The following YIPF5 variants were observed in gnomAD, a reference collection of about 807,000 sequenced individuals.
YIPF5 encodes protein YIPF5.
In YIPF5, 8 loss-of-function variants were observed where a neutral mutation model predicts 30.4. The ratio of observed to expected loss-of-function variants is 0.26; its 90% CI spans 0.15 to 0.47. The LOEUF (loss-of-function observed/expected upper bound fraction) is 0.47, where lower values mean the gene tolerates loss of function less well. Ranked by LOEUF, YIPF5 falls within the 20% of genes least tolerant of loss-of-function variation. The pLI is 0.99. For synonymous variants in YIPF5, 104 were observed against 107.9 expected (o/e 0.96, Z 0.23); for missense variants, 282 against 301.8 (o/e 0.93, Z 0.49).
chr5:144,163,893 A>T, intron 4 of YIPF5: 1 of 420,858 alleles, frequency 2.4e-6, no homozygotes, highest in Non-Finnish European at 3.9e-6. Context: ...CTAATAATTT[A>T]ATCATTTCTT....
Position 144,162,229 on chromosome 5 carries a change from T to C in YIPF5, c.600A>G (p.Ile200Met). The change falls in exon 5 of 6, where the codon ATA becomes ATG. Residue 200 changes from isoleucine to methionine, a missense_variant. Ile to Met is a conservative substitution (Grantham distance 10). Coordinates refer to ENST00000274496, the MANE Select transcript of YIPF5 (RefSeq NM_030799.9). ...PMILLSSFAVIFSLQGMVGII... is the reference protein window; with the variant it reads ...PMILLSSFAVMFSLQGMVGII... ...AGAACAGTACTTACTGCAAAGAAAA[T>C]ATCACTGCAAAGCTGGAAAGTAGGA... 1 of 1,613,676 alleles carries C rather than the reference T, an allele frequency of 6.2e-7. No individual in the cohort carries two copies. The highest frequency in any genetic ancestry group is 1.6e-4 in the Middle Eastern group (1 of 6,062).
rs375490717 is a variant in YIPF5, at chr5:144,160,439, G to A, written c.732C>T (p.Cys244=). Residue 244 remains cysteine, a synonymous_variant, in exon 6 of 6, where the codon TGC becomes TGT. Transcript: ENST00000274496. ...GGGCAAAGACTCCATATAACAAAGCGCAAGGATATGCTACTAAAAGTTGCT... is the reference window on the plus strand; with the variant it reads ...GGGCAAAGACTCCATATAACAAAGCACAAGGATATGCTACTAAAAGTTGCT... The part of the protein sequence containing the change: ...EGQQLLVAYP[C]ALLYGVFALI... 1.7e-5 allele frequency: 27 copies of A among 1,614,016 alleles called. No homozygotes were observed. Among genetic ancestry groups the A allele is most frequent in the East Asian group, 8.9e-5 (4 of 44,854 alleles).
rs74565597 is a variant in YIPF5, at chr5:144,158,397, A to C, written c.*2000T>G. On this transcript the variant is annotated 3_prime_UTR_variant, in exon 6 of 6. Transcript: ENST00000274496. ...AACCACCACAAAAAAAATCTCTACA[A>C]TAATTTAAACTAAAAATGTTGTTGA... 1.1e-5 allele frequency: 13 copies of C among 1,234,824 alleles called. No homozygotes were observed. In the East Asian group the frequency reaches 7.6e-4, roughly 72 times the overall value. 76.5% of individuals were successfully genotyped at this position (1,234,824 alleles called of 1,614,324 possible).
intron 3 of YIPF5, among the ~76,000 whole-genome samples, chr5:144,164,841 T>G (rs575704827): frequency 2.6e-5 from 4 of 152,302 alleles, no homozygotes; most frequent in Admixed American, 1.3e-4. Flanking sequence ...TAGGTATGAC[T>G]GCATAGCAAA....
rs1751935347 is a variant in YIPF5, at chr5:144,158,573, A to G, written c.*1824T>C. The G allele has an allele frequency of 1.8e-6, 2 of 1,141,280 alleles. No individual in the cohort carries two copies. The highest frequency in any genetic ancestry group is 2.2e-6 in the Non-Finnish European group (2 of 922,662). 70.7% of individuals were successfully genotyped at this position (1,141,280 alleles called of 1,614,324 possible). ...TTAGCAATATTTGGATATTAAGGGAAGACATTTGCCTTAACAAAAACTATA... is the reference window on the plus strand; with the variant it reads ...TTAGCAATATTTGGATATTAAGGGAGGACATTTGCCTTAACAAAAACTATA... On this transcript the variant is annotated 3_prime_UTR_variant, in exon 6 of 6. Transcript: ENST00000274496.
Position 144,162,285 on chromosome 5 carries a change from T to C in YIPF5, c.544A>G (p.Ser182Gly). The change falls in exon 5 of 6, where the codon AGT becomes GGT. Residue 182 changes from serine (S) to glycine (G), a missense_variant. By Grantham distance (56) the Ser-to-Gly change is moderately conservative. Coordinates refer to ENST00000274496, the MANE Select transcript of YIPF5 (RefSeq NM_030799.9). ...GGCAGAAGACAATATCCAAGGACAC[T>C]TGCCACACAACCAAATGAAACACCT... The part of the protein sequence containing the change: ...MTGVSFGCVA[S>G]VLGYCLLPMI... 2 of 1,614,088 alleles carry C rather than the reference T, an allele frequency of 1.2e-6. No homozygotes were observed. Among genetic ancestry groups the C allele is most frequent in the South Asian group, 1.1e-5 (1 of 91,084 alleles).
At chr5:144,165,952 G>A (rs1308344563) in intron 2 of YIPF5, among the ~76,000 whole-genome samples, 1 of 152,092 alleles carries the variant, frequency 6.6e-6, no homozygotes, top group Non-Finnish European at 1.5e-5. Context: ...ACAATATGAA[G>A]ATACACTATG....
intron 4 of YIPF5, 181 bp downstream of exon 4, chr5:144,163,930 G>T: frequency 1.9e-6 from 1 of 536,564 alleles, no homozygotes. Flanking sequence ...TTTAAAACAT[G>T]CTACACTTAC....
Position 144,159,764 on chromosome 5 carries a change from A to G in YIPF5, c.*633T>C. 1 of 834,960 alleles carries G rather than the reference A, an allele frequency of 1.2e-6. No individual in the cohort carries two copies. Among genetic ancestry groups the G allele is most frequent in the Non-Finnish European group, 1.4e-6 (1 of 699,980 alleles). The allele number at this position is 834,960 out of a possible 1,614,324, so 51.7% of individuals were successfully genotyped here. On this transcript the variant is annotated 3_prime_UTR_variant, in exon 6 of 6. Transcript: ENST00000274496. ...CTGTCACCCAGGCTGGATGGAGTGC[A>G]GTGGTGTGATCTCGGCTCACTGCAA...
chr5:144,161,634 C>G (rs372494665), intron 5 of YIPF5, among the ~76,000 whole-genome samples: 1 of 152,250 alleles, frequency 6.6e-6, no homozygotes, highest in East Asian at 1.9e-4. Flanking sequence ...GCGTGAGCAA[C>G]CGTGCCTGGC....
At chr5:144,169,751 C>T in intron 2 of YIPF5, 95 bp downstream of exon 2, 2 of 976,832 alleles carry the variant, frequency 2.0e-6, no homozygotes, top group Non-Finnish European at 3.2e-6. Flanking sequence ...TGATAAAGGA[C>T]ATGTTCACAT....
Position 144,165,550 on chromosome 5 carries a change from C to A in YIPF5, c.165G>T (p.Met55Ile). 2 of 1,614,110 alleles carry A rather than the reference C, an allele frequency of 1.2e-6. No individual in the cohort carries two copies. Among genetic ancestry groups the A allele is most frequent in the East Asian group, 2.2e-5 (1 of 44,856 alleles). ...SQQGRFVPPD[M>I]MQPQQPYTGQ... is the part of the protein sequence containing the mutation. ...CGGTGTATGGCTGTTGTGGCTGCATCATGTCTGGAGGGACAAATCTGCCTT... is the reference window on the plus strand; with the variant it reads ...CGGTGTATGGCTGTTGTGGCTGCATAATGTCTGGAGGGACAAATCTGCCTT... Residue 55 changes from methionine (M) to isoleucine (I), a missense_variant, in exon 3 of 6, where the codon ATG (methionine) becomes ATT (isoleucine). Coordinates refer to ENST00000274496, the MANE Select transcript of YIPF5 (RefSeq NM_030799.9).
chr5:144,166,606 T>C (rs1169240180), intron 2 of YIPF5, among the ~76,000 whole-genome samples: 1 of 152,202 alleles, frequency 6.6e-6, no homozygotes, highest in Non-Finnish European at 1.5e-5. Context: ...TGAGAAAATA[T>C]CTGCCAAATG....
intron 3 of YIPF5, 30 bp downstream of exon 3, chr5:144,165,402 A>G (rs756754349): frequency 1.9e-6 from 3 of 1,609,940 alleles, no homozygotes; most frequent in Non-Finnish European, 2.6e-6. Flanking sequence ...AATACTATTG[A>G]GTACTATCAA....
At chr5:144,164,574 CTT>C (rs11327407) in intron 3 of YIPF5, among the ~76,000 whole-genome samples, 5 of 144,074 alleles carry the variant, frequency 3.5e-5, no homozygotes, top group East Asian at 2.0e-4. Flanking sequence ...TTCTTTCTTT[CTT>C]TTTTTTTTTT....
Position 144,158,974 on chromosome 5 carries a change from T to G in YIPF5, c.*1423A>C, listed in dbSNP as rs1361968587. On this transcript the variant is annotated 3_prime_UTR_variant, in exon 6 of 6. Transcript: ENST00000274496. Reference sequence around the variant, plus strand: ...ACCATATCTTTCTCGTAACTATAACTGAGCTTTGTCCAGAATCAGAGACAG... The same window carrying G: ...ACCATATCTTTCTCGTAACTATAACGGAGCTTTGTCCAGAATCAGAGACAG... 3 of 984,170 alleles carry G rather than the reference T, an allele frequency of 3.0e-6. No homozygotes were observed. The highest frequency in any genetic ancestry group is 3.6e-6 in the Non-Finnish European group (3 of 829,876). The allele number at this position is 984,170 out of a possible 1,614,324, so 61.0% of individuals were successfully genotyped here. A position where few individuals can be genotyped will look rare whatever the true frequency, so the allele number is the denominator to read the frequency against.
chr5:144,168,908 C>A (rs1475299187), intron 2 of YIPF5, among the ~76,000 whole-genome samples: 1 of 152,198 alleles, frequency 6.6e-6, no homozygotes, highest in Non-Finnish European at 1.5e-5. Context: ...CATCGTGGAA[C>A]AGTCTTTATG....
chr5:144,158,295 G>T lies in YIPF5; in HGVS notation c.*2102C>A. On this transcript the variant is annotated 3_prime_UTR_variant, in exon 6 of 6. Coordinates refer to ENST00000274496, the MANE Select transcript of YIPF5 (RefSeq NM_030799.9). ...CTAGAACATCAAATGCAACTCCACT[G>T]CATAGCTGTTTTGACAGAGCAACAG... is the stretch of plus-strand genomic sequence containing the variant. 1.7e-6 allele frequency: 1 copy of T among 593,082 alleles called. No homozygotes were observed. The highest frequency in any genetic ancestry group is 2.6e-6 in the Non-Finnish European group (1 of 387,190). The allele number at this position is 593,082 out of a possible 1,614,324, so 36.7% of individuals were successfully genotyped here. A position where few individuals can be genotyped will look rare whatever the true frequency, so the allele number is the denominator to read the frequency against.
chr5:144,160,622 A>C (rs1397211386), intron 5 of YIPF5, 63 bp from the exon 6 acceptor site: 1 of 1,357,058 alleles, frequency 7.4e-7, no homozygotes, highest in African/African-American at 1.5e-5. Context: ...GTTATGTAAG[A>C]ATACTACAAT....
Sources: allele counts gnomAD v4.1 joint callset (sites outside exome capture counted in the v4.1 genomes callset), GRCh38; gene constraint gnomAD v4.1.1; transcripts MANE v1.5; gene names NCBI Gene and HGNC (gene_info 2026-07-23, HGNC 2026-07-21).